PTPN12: variants seen among roughly 807,000 people sequenced by gnomAD.
PTPN12 encodes tyrosine-protein phosphatase non-receptor type 12.
Under a neutral mutation model 97.6 loss-of-function variants are expected in PTPN12, and 29 were observed. The observed-to-expected ratio is 0.30, with a 90% CI of 0.22 to 0.41. PTPN12 has a LOEUF of 0.41. PTPN12 is among the 10% of genes least tolerant of loss of function. PTPN12 has a pLI of 1.00. For synonymous variants in PTPN12, 327 were observed against 300.4 expected (o/e 1.09, Z -0.91); for missense variants, 819 against 926.0 (o/e 0.88, Z 1.50).
At chr7:77,621,286 G>C (rs1196819812) in intron 12 of PTPN12, among the ~76,000 whole-genome samples, 2 of 152,006 alleles carry the variant, frequency 1.3e-5, no homozygotes, top group African/African-American at 4.8e-5. Flanking sequence ...TGATAACAGT[G>C]CCCTCTTCTA....
In PTPN12 at chr7:77,537,510, G is replaced by A. The variant is rs565556906; in HGVS notation, c.-37G>A. ...CTCTGTGCCGGGCGGGCGGGCGGCG[G>A]GGGGGCCAGCGACCGCAGCCGGGGG... On this transcript the variant is annotated 5_prime_UTR_variant, in exon 1 of 18. Transcript: ENST00000248594. 18 of 1,557,320 alleles carry A rather than the reference G, an allele frequency of 1.2e-5. No homozygotes were observed. The African/African-American group carries it at 2.1e-4, about 18-fold the overall frequency.
At chr7:77,539,660 G>C (rs1350913871) in intron 1 of PTPN12, among the ~76,000 whole-genome samples, 1 of 151,834 alleles carries the variant, frequency 6.6e-6, no homozygotes, top group African/African-American at 2.4e-5. Flanking sequence ...CTCGCTCTAC[G>C]CTCTGTCGCC....
chr7:77,537,385 C>T lies in PTPN12; in HGVS notation c.-162C>T. 9.4e-7 allele frequency: 1 copy of T among 1,068,120 alleles called. No homozygotes were observed. The highest frequency in any genetic ancestry group is 1.2e-6 in the Non-Finnish European group (1 of 805,022). 66.2% of individuals were successfully genotyped at this position (1,068,120 alleles called of 1,614,324 possible). ...GGAGCCCAGCCGGTGCCGCCGCAGC[C>T]GCCGCCTAGGGCGGTGGGGAGGAGG... On this transcript the variant is annotated 5_prime_UTR_variant, in exon 1 of 18. Coordinates refer to ENST00000248594, the MANE Select transcript of PTPN12 (RefSeq NM_002835.4).
At chr7:77,607,363 A>G in intron 9 of PTPN12, 62 bp downstream of exon 9, 1 of 1,179,294 alleles carries the variant, frequency 8.5e-7, no homozygotes, top group Non-Finnish European at 1.2e-6. Flanking sequence ...AAACTTAATT[A>G]TAATTGCAGT....
At position 77,639,334 on chromosome 7, in the gene PTPN12, AAAGCCAG is replaced by A; in HGVS notation, c.*56_*62del. On this transcript the variant is annotated 3_prime_UTR_variant, in exon 18 of 18. Transcript: ENST00000248594. Reference sequence around the variant, plus strand: ...ATACTGGAAAATTCAGGTGCCACTGAAAGCCAGATTTATAGTATTCCATCTTTAATAT... The same window carrying A: ...ATACTGGAAAATTCAGGTGCCACTGAATTTATAGTATTCCATCTTTAATAT... 2 of 1,408,724 alleles carry A rather than the reference AAAGCCAG, an allele frequency of 1.4e-6. No homozygotes were observed. The highest frequency in any genetic ancestry group is 2.0e-6 in the Non-Finnish European group (2 of 1,000,330). 87.3% of individuals were successfully genotyped at this position (1,408,724 alleles called of 1,614,324 possible). A position where few individuals can be genotyped will look rare whatever the true frequency, so the allele number is the denominator to read the frequency against.
At chr7:77,570,400 A>T (rs551106488) in intron 1 of PTPN12, among the ~76,000 whole-genome samples, 1 of 152,348 alleles carries the variant, frequency 6.6e-6, no homozygotes, top group South Asian at 2.1e-4. Context: ...AATTTCAGCA[A>T]TGTAGTTGTG....
At chr7:77,567,819 C>T (rs1011210987) in intron 1 of PTPN12, among the ~76,000 whole-genome samples, 1 of 152,144 alleles carries the variant, frequency 6.6e-6, no homozygotes, top group African/African-American at 2.4e-5. Flanking sequence ...TAATAGTTAA[C>T]ATTTATTGAG....
chr7:77,576,891 C>A (rs1251412859), intron 2 of PTPN12, among the ~76,000 whole-genome samples: 1 of 152,164 alleles, frequency 6.6e-6, no homozygotes, highest in Non-Finnish European at 1.5e-5. Flanking sequence ...GTGAAGGACA[C>A]CCAGTCTGCT....
intron 1 of PTPN12, among the ~76,000 whole-genome samples, chr7:77,567,195 TAAAAAA>T (rs35233834): frequency 7.1e-6 from 1 of 141,102 alleles, no homozygotes; most frequent in African/African-American, 2.6e-5. Context: ...GTTGATGTGT[TAAAAAA>T]AAAAAAAAAC....
chr7:77,620,707 T>C (rs532225630), intron 12 of PTPN12, among the ~76,000 whole-genome samples: 65 of 152,340 alleles, frequency 4.3e-4, no homozygotes, highest in Middle Eastern at 3.4e-3. Flanking sequence ...CCCAGCACTT[T>C]GGTAGGCCAA....
intron 3 of PTPN12, among the ~76,000 whole-genome samples, chr7:77,582,560 G>T (rs1787556721): frequency 6.6e-6 from 1 of 152,018 alleles, no homozygotes; most frequent in Non-Finnish European, 1.5e-5. Context: ...TAGGCGGGTG[G>T]ATCACCTGAG....
intron 1 of PTPN12, among the ~76,000 whole-genome samples, chr7:77,550,077 A>G (rs1159656555): frequency 1.3e-5 from 2 of 152,082 alleles, no homozygotes; most frequent in East Asian, 1.9e-4. Flanking sequence ...TTGCCTGGCT[A>G]TTAGTGTGCC....
At position 77,541,931 on chromosome 7, in the gene PTPN12, T is replaced by C. The variant is rs569578930; in HGVS notation, c.99+4286T>C. Among the ~76,000 whole-genome samples the C allele has an allele frequency of 2.4e-4, 36 of 152,314 alleles. No individual in the cohort carries two copies. In the South Asian group the frequency reaches 5.2e-3, roughly 22 times the overall value. ...CTGATCCAGAATTTGATCTCAATTA[T>C]CTCTACTTTTAATATTTACAAAATG... On this transcript the variant is annotated intron_variant, in intron 1 of 17. Coordinates refer to ENST00000248594, the MANE Select transcript of PTPN12 (RefSeq NM_002835.4).
intron 12 of PTPN12, among the ~76,000 whole-genome samples, chr7:77,624,625 G>T (rs1789068067): frequency 6.6e-6 from 1 of 151,680 alleles, no homozygotes; most frequent in African/African-American, 2.4e-5. Context: ...GTTTTTAGTA[G>T]AGACGGGGTT....
intron 1 of PTPN12, among the ~76,000 whole-genome samples, chr7:77,570,450 C>T (rs564965185): frequency 6.6e-6 from 1 of 152,302 alleles, no homozygotes; most frequent in South Asian, 2.1e-4. Flanking sequence ...TTCAGTGCTT[C>T]TGAAAGCAGG....
At chr7:77,568,405 CAGG>C (rs1284253449) in intron 1 of PTPN12, among the ~76,000 whole-genome samples, 1 of 152,156 alleles carries the variant, frequency 6.6e-6, no homozygotes, top group Non-Finnish European at 1.5e-5. Context: ...AATGTTGAGG[CAGG>C]AGGATTGCTG....
intron 9 of PTPN12, among the ~76,000 whole-genome samples, chr7:77,609,035 C>T (rs1195285347): frequency 6.6e-6 from 1 of 152,064 alleles, no homozygotes; most frequent in Non-Finnish European, 1.5e-5. Context: ...ACCTGGCCAA[C>T]ATGGTGAAAC....
At chr7:77,637,741 C>T (rs1267157380) in intron 16 of PTPN12, among the ~76,000 whole-genome samples, 1 of 150,350 alleles carries the variant, frequency 6.7e-6, no homozygotes, top group African/African-American at 2.4e-5. Context: ...CCTGTAATCC[C>T]AGCTACTAGG....
chr7:77,579,305 AG>A (rs1357454969), intron 2 of PTPN12, among the ~76,000 whole-genome samples: 2 of 151,964 alleles, frequency 1.3e-5, no homozygotes, highest in African/African-American at 4.8e-5. Flanking sequence ...TTGTATTTTT[AG>A]TAGAGATGGG....
Sources: gnomAD v4.1 joint callset for allele counts (sites outside exome capture counted in the v4.1 genomes callset) on GRCh38, gnomAD v4.1.1 for gene constraint, MANE v1.5 for transcripts, NCBI Gene and HGNC (gene_info 2026-07-23, HGNC 2026-07-21) for gene names.